Variants in MACROD2 observed in about 807,000 individuals in gnomAD.
MACROD2 encodes the protein ADP-ribose glycohydrolase MACROD2.
Under a neutral mutation model 70.4 loss-of-function variants are expected in MACROD2, and 36 were observed. That is an observed-to-expected ratio of 0.51 (90% CI 0.39 to 0.68). The LOEUF (loss-of-function observed/expected upper bound fraction) is 0.68, where lower values mean the gene tolerates loss of function less well. MACROD2 is among the 30% of genes least tolerant of loss of function. MACROD2 has a pLI of 0.00. For synonymous variants in MACROD2, 172 were observed against 178.8 expected, an observed-to-expected ratio of 0.96 and a Z score of 0.30; for missense variants, 496 against 538.4, an observed-to-expected ratio of 0.92 and a Z score of 0.78.
intron 8 of MACROD2, among the ~76,000 whole-genome samples, chr20:15,684,785 G>C (rs1356764166): frequency 1.3e-5 from 2 of 152,138 alleles, no homozygotes; most frequent in Non-Finnish European, 2.9e-5. Context: ...TTTAAATTAA[G>C]ATATGACCAT....
At chr20:14,080,586 G>T (rs918484070) in intron 2 of MACROD2, among the ~76,000 whole-genome samples, 1 of 151,128 alleles carries the variant, frequency 6.6e-6, no homozygotes, top group East Asian at 2.0e-4. Context: ...GACTTATTTT[G>T]TAAACAAGAG....
At chr20:14,738,836 G>A (rs986905802) in intron 5 of MACROD2, among the ~76,000 whole-genome samples, 3 of 151,604 alleles carry the variant, frequency 2.0e-5, no homozygotes, top group South Asian at 2.1e-4. Context: ...TATAGAGTAC[G>A]CTATTGGAAA....
intron 6 of MACROD2, among the ~76,000 whole-genome samples, chr20:15,271,613 G>T (rs555579228): frequency 6.6e-6 from 1 of 152,312 alleles, no homozygotes; most frequent in South Asian, 2.1e-4. Flanking sequence ...TTCCTGACAT[G>T]TAGTATGGGC....
At chr20:15,496,468 G>A (rs1568848861) in intron 7 of MACROD2, among the ~76,000 whole-genome samples, 1 of 152,152 alleles carries the variant, frequency 6.6e-6, no homozygotes, top group Non-Finnish European at 1.5e-5. Flanking sequence ...AGAGTGACCA[G>A]GAGGTCACAA....
chr20:16,039,736 G>A (rs2067283230), intron 15 of MACROD2, among the ~76,000 whole-genome samples: 2 of 151,878 alleles, frequency 1.3e-5, no homozygotes, highest in South Asian at 4.2e-4. Flanking sequence ...TAGGCAGTGT[G>A]AGAAAGGTAT....
At chr20:15,346,729 C>T (rs1355358182) in intron 6 of MACROD2, among the ~76,000 whole-genome samples, 1 of 152,140 alleles carries the variant, frequency 6.6e-6, no homozygotes, top group Non-Finnish European at 1.5e-5. Context: ...GTTATAAATC[C>T]TATCAAGGTA....
Position 14,321,025 on chromosome 20 carries a change from A to G in MACROD2, c.272-172454A>G, listed in dbSNP as rs143934341. 2.0e-5 allele frequency among the ~76,000 whole-genome samples: 3 copies of G among 152,172 alleles called. No homozygotes were observed. In the East Asian group the frequency reaches 5.8e-4, roughly 29 times the overall value. On this transcript the variant is annotated intron_variant, in intron 3 of 17. Coordinates refer to ENST00000684519, the MANE Select transcript of MACROD2 (RefSeq NM_001351661.2). ...CGGTCACTGCTGTTTATGCCTAATAATTGGTAGACAGCACACTTCTTGAAG... is the reference window on the plus strand; with the variant it reads ...CGGTCACTGCTGTTTATGCCTAATAGTTGGTAGACAGCACACTTCTTGAAG...
intron 5 of MACROD2, among the ~76,000 whole-genome samples, chr20:15,065,547 C>T (rs973688544): frequency 6.0e-5 from 9 of 151,066 alleles, no homozygotes; most frequent in South Asian, 2.1e-4. Flanking sequence ...CCAGCTACTC[C>T]GGAGGCTGAG....
At chr20:16,047,680 C>T (rs957366848) in intron 17 of MACROD2, among the ~76,000 whole-genome samples, 1 of 29,038 alleles carries the variant, frequency 3.4e-5, no homozygotes, top group African/African-American at 9.0e-5. Context: ...CCAGCAGGTA[C>T]CACCCTCAAG....
At chr20:15,633,768 A>G (rs1396138638) in intron 8 of MACROD2, among the ~76,000 whole-genome samples, 2 of 152,162 alleles carry the variant, frequency 1.3e-5, no homozygotes, top group Non-Finnish European at 2.9e-5. Context: ...ATGAATGTTT[A>G]TTTTTTATGG....
At chr20:15,683,343 A>G (rs1051155811) in intron 8 of MACROD2, among the ~76,000 whole-genome samples, 1 of 152,238 alleles carries the variant, frequency 6.6e-6, no homozygotes, top group African/African-American at 2.4e-5. Context: ...TGAATTGTTC[A>G]ATCTCTCTTT....
intron 3 of MACROD2, among the ~76,000 whole-genome samples, chr20:14,121,926 G>A (rs1455947098): frequency 6.6e-6 from 1 of 152,082 alleles, no homozygotes; most frequent in Non-Finnish European, 1.5e-5. Context: ...TGGTGTAAGA[G>A]TTACTCCAGT....
chr20:15,869,236 T>TAGAGAGAGAGAGAGAGAGAGAGAGAG (rs1423223643), intron 9 of MACROD2, among the ~76,000 whole-genome samples: 1 of 33,464 alleles, frequency 3.0e-5, no homozygotes, highest in African/African-American at 7.6e-5. Context: ...TATATATATA[T>TAGAGAGAGAGAGAGAGAGAGAGAGAG]ATAGAGAGAG....
chr20:15,984,606 A>G (rs1054575709), intron 13 of MACROD2, among the ~76,000 whole-genome samples: 2 of 151,250 alleles, frequency 1.3e-5, no homozygotes, highest in African/African-American at 4.9e-5. Flanking sequence ...TTACTATATA[A>G]CACTCTTTTT....
chr20:14,843,434 A>T (rs997074563), intron 5 of MACROD2, among the ~76,000 whole-genome samples: 1 of 152,032 alleles, frequency 6.6e-6, no homozygotes, highest in African/African-American at 2.4e-5. Context: ...ACATTTTACT[A>T]AGAGAATGCA....
At chr20:15,365,534 G>T (rs1052440846) in intron 6 of MACROD2, among the ~76,000 whole-genome samples, 1 of 151,952 alleles carries the variant, frequency 6.6e-6, no homozygotes, top group Admixed American at 6.6e-5. Context: ...GGTGGCATGT[G>T]CCTGTAATCC....
intron 6 of MACROD2, among the ~76,000 whole-genome samples, chr20:15,316,805 T>A (rs189655508): frequency 6.6e-6 from 1 of 152,194 alleles, no homozygotes; most frequent in Admixed American, 6.5e-5. Context: ...ACAAAAACAA[T>A]TTTCAATTAA....
intron 5 of MACROD2, among the ~76,000 whole-genome samples, chr20:15,044,142 C>G (rs1256603881): frequency 6.6e-6 from 1 of 152,092 alleles, no homozygotes; most frequent in Non-Finnish European, 1.5e-5. Flanking sequence ...AGGTGCCAAC[C>G]CTCTCATCAC....
chr20:15,919,245 G>A (rs1205521992), intron 10 of MACROD2, among the ~76,000 whole-genome samples: 2 of 152,176 alleles, frequency 1.3e-5, no homozygotes. Flanking sequence ...GTCGTTTTAT[G>A]TCTGTACCAT....
Sources: allele counts gnomAD v4.1 joint callset (sites outside exome capture counted in the v4.1 genomes callset), GRCh38; gene constraint gnomAD v4.1.1; transcripts MANE v1.5; gene names NCBI Gene and HGNC (gene_info 2026-07-23, HGNC 2026-07-21).